Variants in STPG2 observed in about 807,000 individuals in gnomAD.
STPG2 encodes sperm-tail PG-rich repeat-containing protein 2.
A neutral mutation model predicts 54.2 loss-of-function variants in STPG2; 56 were observed. That is an observed-to-expected ratio of 1.03 (90% CI 0.83 to 1.29). STPG2 has a LOEUF of 1.29. Ranked by LOEUF, STPG2 falls within the 50% of genes most tolerant of loss-of-function variation. STPG2 has a pLI of 0.00. For synonymous variants in STPG2, 200 were observed against 181.8 expected (o/e 1.10, Z -0.81); for missense variants, 596 against 544.9 (o/e 1.09, Z -0.93).
chr4:98,068,804 T>C (rs1019246159), intron 5 of STPG2, among the ~76,000 whole-genome samples: 14 of 152,116 alleles, frequency 9.2e-5, no homozygotes, highest in African/African-American at 3.4e-4. Flanking sequence ...GGCTATACAG[T>C]ATAGCCTATT....
Position 97,976,474 on chromosome 4 carries a change from T to C in STPG2, c.773-4034A>G, listed in dbSNP as rs143145174. Among the ~76,000 whole-genome samples, 284 of 152,222 alleles carry C rather than the reference T, an allele frequency of 1.9e-3. 4 individuals carry two copies. In the East Asian group the frequency reaches 0.035, roughly 19 times the overall value. Reference sequence around the variant, plus strand: ...CTGACTTGCAAAGCCATTCTGATCATATGGTTCACTCACATTAGAACTTTC... The same window carrying C: ...CTGACTTGCAAAGCCATTCTGATCACATGGTTCACTCACATTAGAACTTTC... On this transcript the variant is annotated intron_variant, in intron 6 of 10. Coordinates refer to ENST00000295268, the MANE Select transcript of STPG2 (RefSeq NM_174952.3).
rs774890337 is a variant in STPG2 at position 98,001,408 on chromosome 4, A to C, written c.613-20090T>G. On this transcript the variant is annotated intron_variant, in intron 5 of 10. Transcript: ENST00000295268. ...AAATGTTCGGAGTTCATTAACATTT[A>C]TTACTATGCAATGCAACGTGAACTT... is the stretch of plus-strand genomic sequence containing the variant. Among the ~76,000 whole-genome samples the C allele has an allele frequency of 7.2e-5, 11 of 151,990 alleles. 1 individual carries two copies. The East Asian group carries it at 1.9e-3, about 27-fold the overall frequency.
intron 5 of STPG2, among the ~76,000 whole-genome samples, chr4:98,004,970 T>TAA (rs70953102): frequency 6.2e-4 from 88 of 142,482 alleles, no homozygotes; most frequent in East Asian, 2.2e-3. Flanking sequence ...TCTTTGCTGT[T>TAA]AAAAAAAAAA....
intron 9 of STPG2, among the ~76,000 whole-genome samples, chr4:97,715,350 G>T (rs1464321637): frequency 6.6e-6 from 1 of 152,062 alleles, no homozygotes; most frequent in African/African-American, 2.4e-5. Flanking sequence ...TGAAAAGTCT[G>T]CCTGAATCAT....
intron 8 of STPG2, among the ~76,000 whole-genome samples, chr4:97,847,223 C>T (rs942138339): frequency 4.6e-5 from 7 of 152,076 alleles, no homozygotes; most frequent in Admixed American, 3.9e-4. Flanking sequence ...AAAGGCATTT[C>T]AGATGATAAT....
intron 5 of STPG2, among the ~76,000 whole-genome samples, chr4:98,062,159 A>T (rs2110099734): frequency 6.6e-6 from 1 of 152,336 alleles, no homozygotes; most frequent in Middle Eastern, 3.4e-3. Context: ...ACATGGATGG[A>T]GTTGGAGGCT....
intron 10 of STPG2, among the ~76,000 whole-genome samples, chr4:97,666,547 T>C (rs559984248): frequency 9.9e-5 from 15 of 152,248 alleles, no homozygotes; most frequent in Non-Finnish European, 2.1e-4. Flanking sequence ...CTTTTGTTTA[T>C]GAGTTTCAGA....
chr4:97,746,868 A>C (rs1287568144), intron 9 of STPG2, among the ~76,000 whole-genome samples: 1 of 151,300 alleles, frequency 6.6e-6, no homozygotes, highest in African/African-American at 2.4e-5. Context: ...TACAGTGTCT[A>C]TTGCTATATA....
intron 10 of STPG2, among the ~76,000 whole-genome samples, chr4:97,626,473 C>T (rs535829625): frequency 1.3e-5 from 2 of 152,220 alleles, no homozygotes; most frequent in Non-Finnish European, 2.9e-5. Context: ...TACACTTCAC[C>T]CCTTTGTACA....
At chr4:98,091,076 G>T (rs1738671751) in intron 5 of STPG2, among the ~76,000 whole-genome samples, 1 of 151,706 alleles carries the variant, frequency 6.6e-6, no homozygotes, top group Non-Finnish European at 1.5e-5. Flanking sequence ...AAATCTAAGA[G>T]TCATCATCAA....
At chr4:97,953,642 T>A (rs1437453166) in intron 7 of STPG2, among the ~76,000 whole-genome samples, 1 of 152,206 alleles carries the variant, frequency 6.6e-6, no homozygotes, top group African/African-American at 2.4e-5. Context: ...ACTTTCATAT[T>A]CCCCATTGCT....
At chr4:97,935,505 G>C (rs1417515536) in intron 8 of STPG2, among the ~76,000 whole-genome samples, 2 of 152,064 alleles carry the variant, frequency 1.3e-5, no homozygotes, top group African/African-American at 4.8e-5. Flanking sequence ...CTAGCTTTCT[G>C]ATGTGGGCAC....
intron 9 of STPG2, among the ~76,000 whole-genome samples, chr4:97,727,710 G>C (rs1378259636): frequency 7.5e-6 from 1 of 133,120 alleles, no homozygotes; most frequent in Non-Finnish European, 1.7e-5. Flanking sequence ...CAACACGTAT[G>C]ATCATGGATT....
At chr4:97,669,514 CGGCCGGGCGCGGTGGCTCACGCCTGTA>C (rs1722634205) in intron 10 of STPG2, among the ~76,000 whole-genome samples, 2 of 104,262 alleles carry the variant, frequency 1.9e-5, no homozygotes, top group Non-Finnish European at 2.0e-5. Context: ...AAGTTTATTG[CGGCCGGGCGCGGTGGCTCACGCCTGTA>C]ATCCCAGCAC....
intron 10 of STPG2, among the ~76,000 whole-genome samples, chr4:97,561,833 G>C (rs1174067233): frequency 6.6e-6 from 1 of 152,112 alleles, no homozygotes; most frequent in African/African-American, 2.4e-5. Flanking sequence ...ATGCTGTTTT[G>C]GTTATTGTAG....
chr4:98,087,240 C>A (rs1578843169), intron 5 of STPG2, among the ~76,000 whole-genome samples: 1 of 55,844 alleles, frequency 1.8e-5, no homozygotes, highest in Non-Finnish European at 4.1e-5. Flanking sequence ...TAAATTTGAA[C>A]AACAAGAGAG....
chr4:98,011,393 C>T (rs559971157), intron 5 of STPG2, among the ~76,000 whole-genome samples: 4 of 152,210 alleles, frequency 2.6e-5, no homozygotes, highest in African/African-American at 9.6e-5. Flanking sequence ...CATGTCTTTG[C>T]TATTGTAAAT....
At chr4:97,537,189 C>T (rs1002891934) in intron 4 of STPG2, among the ~76,000 whole-genome samples, 1 of 152,088 alleles carries the variant, frequency 6.6e-6, no homozygotes, top group African/African-American at 2.4e-5. Flanking sequence ...ACCTGTCGGA[C>T]AGTGGGTGCA....
intron 5 of STPG2, among the ~76,000 whole-genome samples, chr4:98,067,312 A>C (rs783965): frequency 0.82 from 125,425 of 152,118 alleles, 52,072 homozygotes; most frequent in Middle Eastern, 0.95. Flanking sequence ...AACACTAAAA[A>C]AATTATTTGA....
Sources: allele counts gnomAD v4.1 joint callset (sites outside exome capture counted in the v4.1 genomes callset), GRCh38; gene constraint gnomAD v4.1.1; transcripts MANE v1.5; gene names NCBI Gene and HGNC (gene_info 2026-07-23, HGNC 2026-07-21).